Variants in ADAMTSL1 observed in about 807,000 individuals in gnomAD.
ADAMTSL1 encodes ADAMTS-like protein 1.
ADAMTSL1 carries 126 observed loss-of-function variants against 201.8 expected under a neutral mutation model. The ratio of observed to expected loss-of-function variants is 0.62; its 90% confidence interval spans 0.54 to 0.72. The LOEUF (loss-of-function observed/expected upper bound fraction) is 0.72, where lower values mean the gene tolerates loss of function less well. Ranked by LOEUF, ADAMTSL1 falls within the 30% of genes least tolerant of loss-of-function variation. The probability of loss-of-function intolerance (pLI) is 0.00; values close to 1 mark genes in which losing one functional copy is unlikely to be tolerated. For missense variants in ADAMTSL1, 2,679 were observed against 2,277.8 expected, an observed-to-expected ratio of 1.18 and a Z score of -3.59; for synonymous variants, 1,121 against 903.4, an observed-to-expected ratio of 1.24 and a Z score of -4.32.
At chr9:18,524,676 T>G (rs1386123701) in intron 2 of ADAMTSL1, among the ~76,000 whole-genome samples, 1 of 152,204 alleles carries the variant, frequency 6.6e-6, no homozygotes, top group Non-Finnish European at 1.5e-5. Flanking sequence ...ATTGAAGGCC[T>G]TTTCTGCATC....
chr9:18,246,214 C>T (rs1357353568), intron 2 of ADAMTSL1, among the ~76,000 whole-genome samples: 2 of 152,222 alleles, frequency 1.3e-5, no homozygotes, highest in East Asian at 3.9e-4. Context: ...TGATATTGTA[C>T]AGCAAATATA....
At chr9:18,120,361 T>A (rs1825444384) in intron 1 of ADAMTSL1, among the ~76,000 whole-genome samples, 1 of 152,172 alleles carries the variant, frequency 6.6e-6, no homozygotes, top group East Asian at 1.9e-4. Context: ...TGGCACAGCA[T>A]CTGTTTTGCT....
chr9:18,697,135 G>GC (rs1352316330), intron 13 of ADAMTSL1, among the ~76,000 whole-genome samples: 1 of 151,756 alleles, frequency 6.6e-6, no homozygotes, highest in Admixed American at 6.6e-5. Context: ...GCCCACCTCA[G>GC]CCCCCCCAAG....
chr9:18,266,846 G>A (rs975637765), intron 2 of ADAMTSL1, among the ~76,000 whole-genome samples: 5 of 152,076 alleles, frequency 3.3e-5, no homozygotes, highest in Non-Finnish European at 7.4e-5. Flanking sequence ...AAAAAGAGTT[G>A]ATTAGGTTTC....
At position 18,503,440 on chromosome 9, in the gene ADAMTSL1, T is replaced by TATATATATATATATATATATAC. The variant is rs1304107760; in HGVS notation, c.64-1388_64-1387insTATATATATATATATATATACA. On this transcript the variant is annotated intron_variant, in intron 1 of 28. Coordinates refer to ENST00000380548, the MANE Select transcript of ADAMTSL1 (RefSeq NM_001040272.6). Reference sequence around the variant, plus strand: ...CATTGTGTATATATATATATATATATACCACATTTTGTTTACATATTCATC... The same window carrying TATATATATATATATATATATAC: ...CATTGTGTATATATATATATATATATATATATATATATATATATATACACCACATTTTGTTTACATATTCATC... 7.4e-4 allele frequency among the ~76,000 whole-genome samples: 110 copies of TATATATATATATATATATATAC among 148,310 alleles called. No individual in the cohort carries two copies. The East Asian group carries it at 0.016, about 22-fold the overall frequency.
intron 2 of ADAMTSL1, among the ~76,000 whole-genome samples, chr9:18,211,111 G>C (rs1829855176): frequency 6.6e-6 from 1 of 152,056 alleles, no homozygotes. Context: ...ACTATTTAAT[G>C]GTCCCAAATT....
At chr9:17,949,131 T>TA (rs990051719) in intron 1 of ADAMTSL1, among the ~76,000 whole-genome samples, 24 of 152,352 alleles carry the variant, frequency 1.6e-4, no homozygotes, top group Non-Finnish European at 3.1e-4. Context: ...GCTGATATTT[T>TA]AAAAAACACT....
At chr9:18,705,719 A>C (rs1385748544) in intron 13 of ADAMTSL1, among the ~76,000 whole-genome samples, 1 of 152,272 alleles carries the variant, frequency 6.6e-6, no homozygotes, top group Non-Finnish European at 1.5e-5. Context: ...CTTACACACA[A>C]AAATACCTCC....
chr9:18,126,516 T>C (rs1825734459), intron 1 of ADAMTSL1, among the ~76,000 whole-genome samples: 1 of 152,212 alleles, frequency 6.6e-6, no homozygotes, highest in Admixed American at 6.5e-5. Context: ...CCTCCTTACT[T>C]ATTGTTGCAT....
chr9:18,201,453 A>G (rs1267108533), intron 2 of ADAMTSL1, among the ~76,000 whole-genome samples: 1 of 152,116 alleles, frequency 6.6e-6, no homozygotes, highest in Non-Finnish European at 1.5e-5. Flanking sequence ...CACTAATAAT[A>G]AGAGTTAACT....
intron 8 of ADAMTSL1, among the ~76,000 whole-genome samples, chr9:18,661,541 G>A (rs1829093516): frequency 6.6e-6 from 1 of 152,170 alleles, no homozygotes; most frequent in Admixed American, 6.5e-5. Flanking sequence ...TAGTGCCCCA[G>A]GTACTAAGGA....
At chr9:18,857,631 T>C (rs183071115) in intron 23 of ADAMTSL1, among the ~76,000 whole-genome samples, 12 of 152,306 alleles carry the variant, frequency 7.9e-5, no homozygotes, top group Admixed American at 3.3e-4. Context: ...AAGTGGTATC[T>C]TCTGACCTTT....
intron 1 of ADAMTSL1, among the ~76,000 whole-genome samples, chr9:18,143,749 A>C (rs1221058618): frequency 6.6e-6 from 1 of 152,216 alleles, no homozygotes; most frequent in Non-Finnish European, 1.5e-5. Context: ...GAAGGGCTGA[A>C]CTGGAGCTTA....
chr9:18,910,004 G>A lies in ADAMTSL1; in HGVS notation c.*1456G>A, dbSNP rs990835835. The A allele has an allele frequency of 1.3e-5, 2 of 152,102 alleles. No homozygotes were observed. Among genetic ancestry groups the A allele is most frequent in the South Asian group, 2.1e-4 (1 of 4,820 alleles). The allele number at this position is 152,102 out of a possible 1,614,324, so 9.4% of individuals were successfully genotyped here. On this transcript the variant is annotated 3_prime_UTR_variant, in exon 29 of 29. Transcript: ENST00000380548. ...CAAGTAATTTTTGCCTCCTTCCCTC[G>A]CGTGGCCTGAGTTTAGGAGCAAGGG...
intron 1 of ADAMTSL1, among the ~76,000 whole-genome samples, chr9:17,930,444 TCC>T (rs554682414): frequency 8.0e-4 from 122 of 152,172 alleles, no homozygotes; most frequent in African/African-American, 2.9e-3. Context: ...AGGGTTCCAT[TCC>T]CTCTTGTCCC....
At chr9:18,760,065 C>G (rs1174867420) in intron 16 of ADAMTSL1, among the ~76,000 whole-genome samples, 1 of 152,156 alleles carries the variant, frequency 6.6e-6, no homozygotes, top group Non-Finnish European at 1.5e-5. Flanking sequence ...AGGTCTAACA[C>G]CAAGCTTAAT....
intron 3 of ADAMTSL1, among the ~76,000 whole-genome samples, chr9:18,541,397 C>G (rs988756245): frequency 5.9e-5 from 9 of 151,944 alleles, no homozygotes; most frequent in Non-Finnish European, 1.3e-4. Context: ...GTAATCCCAG[C>G]TACTCGGGAG....
chr9:18,170,758 G>A (rs988070358), intron 2 of ADAMTSL1, among the ~76,000 whole-genome samples: 2 of 152,070 alleles, frequency 1.3e-5, no homozygotes, highest in Non-Finnish European at 2.9e-5. Context: ...AGAAAGGCCA[G>A]CCCATGCTCT....
chr9:18,854,376 A>G (rs1826711952), intron 23 of ADAMTSL1, among the ~76,000 whole-genome samples: 2 of 152,266 alleles, frequency 1.3e-5, no homozygotes, highest in South Asian at 2.1e-4. Flanking sequence ...AGAGAAAGGT[A>G]TGGTTTTCTT....
Sources: gnomAD v4.1 joint callset for allele counts (sites outside exome capture counted in the v4.1 genomes callset) on GRCh38, gnomAD v4.1.1 for gene constraint, MANE v1.5 for transcripts, NCBI Gene and HGNC (gene_info 2026-07-23, HGNC 2026-07-21) for gene names.